Variants in DOP1B observed in about 807,000 individuals in gnomAD.
The protein encoded by DOP1B is protein DOP1B.
A neutral mutation model predicts 233.5 loss-of-function variants in DOP1B; 174 were observed. That is an observed-to-expected ratio of 0.75 (90% confidence interval 0.66 to 0.85). The LOEUF (loss-of-function observed/expected upper bound fraction) is 0.85, where lower values mean the gene tolerates loss of function less well. Ranked by LOEUF, DOP1B falls within the 40% of genes least tolerant of loss-of-function variation. The probability of loss-of-function intolerance (pLI) is 0.00; values close to 1 mark genes in which losing one functional copy is unlikely to be tolerated. For missense variants in DOP1B, 2,652 were observed against 2,846.6 expected (o/e 0.93, Z 1.56); for synonymous variants, 1,190 against 1,185.6 (o/e 1.00, Z -0.08).
At chr21:36,288,242 T>A in intron 33 of DOP1B, 92 bp downstream of exon 33, 1 of 1,272,326 alleles carries the variant, frequency 7.9e-7, no homozygotes, top group South Asian at 1.5e-5. Context: ...ATGTATCCCA[T>A]TTTATCTAAA....
At chr21:36,167,813 C>T (rs974394184) in intron 2 of DOP1B, among the ~76,000 whole-genome samples, 13 of 147,436 alleles carry the variant, frequency 8.8e-5, no homozygotes, top group Non-Finnish European at 1.2e-4. Context: ...TGGTTTATTT[C>T]ATTTAGCATA....
At chr21:36,287,934 C>A in intron 32 of DOP1B, 80 bp from the exon 33 acceptor site, 1 of 1,512,204 alleles carries the variant, frequency 6.6e-7, no homozygotes, top group South Asian at 1.3e-5. Context: ...TCAGAACAGT[C>A]ACAGTTTTAT....
intron 10 of DOP1B, among the ~76,000 whole-genome samples, chr21:36,222,501 G>A (rs1413853682): frequency 6.6e-6 from 1 of 151,106 alleles, no homozygotes; most frequent in East Asian, 2.0e-4. Flanking sequence ...CAGGAGAATC[G>A]CTTGAACCTG....
At chr21:36,219,169 C>T (rs542223179) in intron 9 of DOP1B, among the ~76,000 whole-genome samples, 2 of 152,286 alleles carry the variant, frequency 1.3e-5, no homozygotes. Flanking sequence ...GGAAGTTCTA[C>T]AAAAATGTTG....
chr21:36,243,956 T>C (rs2066923057), intron 18 of DOP1B, among the ~76,000 whole-genome samples: 1 of 151,398 alleles, frequency 6.6e-6, no homozygotes. Flanking sequence ...CCTCCTACCT[T>C]GGTCTCCCAC....
intron 4 of DOP1B, among the ~76,000 whole-genome samples, chr21:36,203,642 A>ATT (rs2066395641): frequency 7.2e-6 from 1 of 138,504 alleles, no homozygotes; most frequent in Non-Finnish European, 1.5e-5. Flanking sequence ...GGGAGGGTGC[A>ATT]GTGGGGGGGG....
At chr21:36,195,407 G>A (rs1182895715) in intron 2 of DOP1B, among the ~76,000 whole-genome samples, 3 of 150,316 alleles carry the variant, frequency 2.0e-5, no homozygotes, top group Non-Finnish European at 3.0e-5. Context: ...GGTGGTGCAC[G>A]CCTATAACCC....
intron 1 of DOP1B, among the ~76,000 whole-genome samples, chr21:36,159,858 G>A (rs2065854744): frequency 6.6e-6 from 1 of 152,200 alleles, no homozygotes; most frequent in African/African-American, 2.4e-5. Flanking sequence ...ATCAGACTCT[G>A]TCATTTTGTC....
chr21:36,288,695 A>G, intron 33 of DOP1B, 61 bp from the exon 34 acceptor site: 1 of 1,287,804 alleles, frequency 7.8e-7, no homozygotes, highest in East Asian at 2.4e-5. Context: ...ATAAGTAAAA[A>G]AAAATATTTG....
Position 36,288,819 on chromosome 21 carries a change from G to A in DOP1B, c.6353+8G>A, listed in dbSNP as rs762164629. ...TGAAGATGAGTCATTGAGGTAAGCA[G>A]TACAAGATCTGTACACAAGAGGAAA... On this transcript the variant is annotated splice_region_variant and intron_variant, in intron 34 of 36. Coordinates refer to ENST00000691173, the MANE Select transcript of DOP1B (RefSeq NM_001320714.2). The A allele has an allele frequency of 6.2e-7, 1 of 1,608,748 alleles. No homozygotes were observed. Among genetic ancestry groups the A allele is most frequent in the Admixed American group, 1.7e-5 (1 of 59,900 alleles).
At chr21:36,159,733 C>T (rs1200441813) in intron 1 of DOP1B, among the ~76,000 whole-genome samples, 1 of 152,224 alleles carries the variant, frequency 6.6e-6, no homozygotes, top group Non-Finnish European at 1.5e-5. Context: ...CTTCTAAATA[C>T]ACACCTTATC....
At chr21:36,167,929 CTTTTCTTTTTCTTTTT>C (rs1445172271) in intron 2 of DOP1B, among the ~76,000 whole-genome samples, 2 of 97,314 alleles carry the variant, frequency 2.1e-5, no homozygotes, top group Non-Finnish European at 4.1e-5. Context: ...CTTTTCTTTT[CTTTTCTTTTTCTTTTT>C]TTTTTTTTTT....
In DOP1B at chr21:36,240,243, G is replaced by A. The variant is rs200774953; in HGVS notation, c.3067+288G>A. On this transcript the variant is annotated intron_variant, in intron 18 of 36. Coordinates refer to ENST00000691173, the MANE Select transcript of DOP1B (RefSeq NM_001320714.2). ...AACTGTAATCCTAGCATTTTGGGAG[G>A]CTGAGGCAGGTGGATCACCTGAGGT... 2.0e-5 allele frequency among the ~76,000 whole-genome samples: 3 copies of A among 152,132 alleles called. No homozygotes were observed. In the East Asian group the frequency reaches 5.8e-4, roughly 29 times the overall value.
rs368826782 is a variant in DOP1B at position 36,230,788 on chromosome 21, G to A, written c.2004G>A (p.Thr668=). The A allele has an allele frequency of 8.7e-6, 14 of 1,614,022 alleles. No individual in the cohort carries two copies. The highest frequency in any genetic ancestry group is 8.0e-5 in the African/African-American group (6 of 74,930). ...CAGGGAAGAGGGACAGGGATGGGACGCAGAGCCTGGCAGCCAATGATTCCA... is the reference window on the plus strand; with the variant it reads ...CAGGGAAGAGGGACAGGGATGGGACACAGAGCCTGGCAGCCAATGATTCCA... ...EPAGKRDRDG[T]QSLAANDSSR... The change falls in exon 14 of 37, where the codon ACG becomes ACA. Residue 668 remains threonine, a synonymous_variant. Transcript: ENST00000691173.
chr21:36,260,871 TC>T (rs1915157107), intron 24 of DOP1B, 139 bp downstream of exon 24: 3 of 1,501,390 alleles, frequency 2.0e-6, no homozygotes, highest in South Asian at 2.8e-5. Flanking sequence ...TGTCATAATT[TC>T]TTCCCAAGGT....
intron 27 of DOP1B, among the ~76,000 whole-genome samples, chr21:36,275,507 T>G (rs547848824): frequency 1.3e-5 from 2 of 152,066 alleles, no homozygotes; most frequent in East Asian, 3.9e-4. Flanking sequence ...TAGTTCCAGC[T>G]TCTGAGGAGG....
At chr21:36,284,104 C>A (rs1388762223) in intron 32 of DOP1B, among the ~76,000 whole-genome samples, 1 of 151,218 alleles carries the variant, frequency 6.6e-6, no homozygotes, top group Non-Finnish European at 1.5e-5. Context: ...CCAGCCACCA[C>A]ACTCAGCTAA....
intron 11 of DOP1B, among the ~76,000 whole-genome samples, chr21:36,225,076 C>G (rs2066666624): frequency 6.6e-6 from 1 of 152,080 alleles, no homozygotes; most frequent in African/African-American, 2.4e-5. Context: ...CCAACAGATT[C>G]AGGACACTTA....
At chr21:36,259,317 C>G (rs2067143700) in intron 23 of DOP1B, among the ~76,000 whole-genome samples, 4 of 150,492 alleles carry the variant, frequency 2.7e-5, no homozygotes, top group Admixed American at 6.6e-5. Flanking sequence ...GTTGCCTAGC[C>G]TAGAGTGCAG....
Sources: allele counts gnomAD v4.1 joint callset (sites outside exome capture counted in the v4.1 genomes callset), GRCh38; gene constraint gnomAD v4.1.1; transcripts MANE v1.5; gene names NCBI Gene and HGNC (gene_info 2026-07-23, HGNC 2026-07-21).